The following CDC14B variants were observed in gnomAD, a reference collection of about 807,000 sequenced individuals.
CDC14B encodes dual specificity protein phosphatase CDC14B.
In CDC14B, 22 loss-of-function variants were observed where a neutral mutation model predicts 64.2. The ratio of observed to expected loss-of-function variants is 0.34; its 90% CI spans 0.24 to 0.49. The LOEUF (loss-of-function observed/expected upper bound fraction) is 0.49, where lower values mean the gene tolerates loss of function less well. CDC14B is among the 20% of genes least tolerant of loss of function. The pLI is 0.99. For synonymous variants in CDC14B, 191 were observed against 215.8 expected, an observed-to-expected ratio of 0.89 and a Z score of 1.01; for missense variants, 498 against 629.9, an observed-to-expected ratio of 0.79 and a Z score of 2.24.
intron 1 of CDC14B, among the ~76,000 whole-genome samples, chr9:96,601,253 C>T (rs1325008121): frequency 6.6e-6 from 1 of 152,130 alleles, no homozygotes; most frequent in Admixed American, 6.6e-5. Context: ...AATCCCAGCA[C>T]TTTGTGAGGC....
At chr9:96,592,296 T>G (rs796217057) in intron 1 of CDC14B, among the ~76,000 whole-genome samples, 9 of 152,244 alleles carry the variant, frequency 5.9e-5, no homozygotes, top group African/African-American at 2.2e-4. Context: ...CAGGCTGGTC[T>G]TGAATTCCCG....
intron 12 of CDC14B, among the ~76,000 whole-genome samples, chr9:96,521,211 AT>A (rs1363591511): frequency 6.6e-6 from 1 of 151,958 alleles, no homozygotes; most frequent in Admixed American, 6.6e-5. Context: ...CTGGGATCCT[AT>A]AATGCCTACA....
chr9:96,562,272 T>C (rs1221824617), intron 4 of CDC14B, among the ~76,000 whole-genome samples: 4 of 152,128 alleles, frequency 2.6e-5, no homozygotes, highest in African/African-American at 9.7e-5. Context: ...GAAAGCACTT[T>C]TTAAAAAAAT....
rs553826577 is a variant in CDC14B at position 96,542,957 on chromosome 9, G to A, written c.498-1065C>T. 9.9e-5 allele frequency among the ~76,000 whole-genome samples: 15 copies of A among 152,116 alleles called. No individual in the cohort carries two copies. The South Asian group carries it at 2.1e-3, about 21-fold the overall frequency. On this transcript the variant is annotated intron_variant, in intron 5 of 13. Transcript: ENST00000375241. ...AGAGAGATGGAGGTTGCAGTGAGCC[G>A]AGATCATGCCACTGCACTCCAGCCT... is the stretch of plus-strand genomic sequence containing the variant.
chr9:96,593,080 A>T (rs1007984569), intron 1 of CDC14B, among the ~76,000 whole-genome samples: 4 of 152,196 alleles, frequency 2.6e-5, no homozygotes, highest in Non-Finnish European at 5.9e-5. Context: ...AGAATTTAAA[A>T]ACCCCATTTG....
Position 96,564,826 on chromosome 9 carries a change from TTGAG to T in CDC14B, c.274_277del (p.Leu92IlefsTer16), listed in dbSNP as rs1443188011. Reference sequence around the variant, plus strand: ...ACAATATCTGTAAACCATTGCCAGATTGAGTGGTCCAAAATCTGCGTAGAAGCTT... The same window carrying T: ...ACAATATCTGTAAACCATTGCCAGATTGGTCCAAAATCTGCGTAGAAGCTT... On this transcript the variant is annotated frameshift_variant, in exon 3 of 14. Transcript: ENST00000375241. LOFTEE classifies it high-confidence loss of function. The T allele has an allele frequency of 6.2e-7, 1 of 1,605,182 alleles. No individual in the cohort carries two copies. The highest frequency in any genetic ancestry group is 8.5e-7 in the Non-Finnish European group (1 of 1,175,502).
exon 14 of CDC14B, chr9:96,492,252 A>G (rs1333553796): frequency 6.6e-6 from 1 of 152,368 alleles, no homozygotes; most frequent in African/African-American, 2.4e-5. Flanking sequence ...AGCTGGTTAT[A>G]GCCAAGCCCA....
At position 96,503,720 on chromosome 9, in the gene CDC14B, A is replaced by C. The variant is rs370655432; in HGVS notation, c.*33T>G. ...TTTCTGTTGCAGTTTTCAGTCCTAG[A>C]GTCTTCCTTCAGCTCTGGTCACAGG... On this transcript the variant is annotated 3_prime_UTR_variant, in exon 14 of 14. Transcript: ENST00000375241. 3 of 1,599,850 alleles carry C rather than the reference A, an allele frequency of 1.9e-6. No individual in the cohort carries two copies. The African/African-American group carries it at 4.0e-5, about 21-fold the overall frequency.
At chr9:96,556,728 A>G (rs548772330) in intron 4 of CDC14B, among the ~76,000 whole-genome samples, 1 of 152,292 alleles carries the variant, frequency 6.6e-6, no homozygotes, top group African/African-American at 2.4e-5. Context: ...TTTGAGTGGT[A>G]GGGACATTTT....
rs1349257586 is a variant in CDC14B, at chr9:96,601,921, T to C, written c.160+17298A>G. 2.7e-5 allele frequency among the ~76,000 whole-genome samples: 4 copies of C among 150,266 alleles called. No individual in the cohort carries two copies. In the East Asian group the frequency reaches 7.8e-4, roughly 29 times the overall value. On this transcript the variant is annotated intron_variant, in intron 1 of 13. Coordinates refer to ENST00000375241, the MANE Select transcript of CDC14B (RefSeq NM_033331.4). ...AAAAATACAAAAAATTAGCTGGGCA[T>C]GGTGGTGGGTGCCTGTAACCCCAGC... is the stretch of plus-strand genomic sequence containing the variant.
intron 7 of CDC14B, among the ~76,000 whole-genome samples, chr9:96,536,051 A>G (rs1406330263): frequency 1.3e-5 from 2 of 152,258 alleles, no homozygotes; most frequent in African/African-American, 4.8e-5. Flanking sequence ...ATTTCACTGA[A>G]TTGCTGATGC....
chr9:96,589,355 C>T (rs1344026177), intron 1 of CDC14B, among the ~76,000 whole-genome samples: 1 of 150,960 alleles, frequency 6.6e-6, no homozygotes, highest in Non-Finnish European at 1.5e-5. Flanking sequence ...AAAAAAAATA[C>T]ACCTAGTAAG....
At chr9:96,592,985 T>C (rs189928773) in intron 1 of CDC14B, among the ~76,000 whole-genome samples, 2 of 152,210 alleles carry the variant, frequency 1.3e-5, no homozygotes, top group Admixed American at 1.3e-4. Context: ...TTCTAAACAT[T>C]GAGGAGTCAA....
At chr9:96,541,382 T>C (rs888277994) in intron 6 of CDC14B, among the ~76,000 whole-genome samples, 1 of 152,222 alleles carries the variant, frequency 6.6e-6, no homozygotes, top group African/African-American at 2.4e-5. Flanking sequence ...GAACTAGAAA[T>C]TGAACGCCTG....
At chr9:96,560,944 T>A (rs1303319551) in intron 4 of CDC14B, among the ~76,000 whole-genome samples, 1 of 152,020 alleles carries the variant, frequency 6.6e-6, no homozygotes, top group African/African-American at 2.4e-5. Flanking sequence ...AAACTTTTTT[T>A]TTCTTTTGGA....
chr9:96,499,034 A>AC (rs1183219861), downstream of CDC14B, among the ~76,000 whole-genome samples: 28 of 152,250 alleles, frequency 1.8e-4, no homozygotes, highest in African/African-American at 6.5e-4. Context: ...CCTTTGCAGC[A>AC]CTCAGGGACT....
chr9:96,561,186 C>T (rs1843128004), intron 4 of CDC14B, among the ~76,000 whole-genome samples: 1 of 152,200 alleles, frequency 6.6e-6, no homozygotes. Context: ...ATCTGCCTGC[C>T]TCGGCCTCCC....
At chr9:96,520,721 C>T (rs1836563511) in intron 12 of CDC14B, among the ~76,000 whole-genome samples, 1 of 151,976 alleles carries the variant, frequency 6.6e-6, no homozygotes, top group Non-Finnish European at 1.5e-5. Context: ...TAAAATCAAC[C>T]CACAAAAGCA....
At chr9:96,551,240 C>T (rs966044408) in intron 5 of CDC14B, among the ~76,000 whole-genome samples, 1 of 151,572 alleles carries the variant, frequency 6.6e-6, no homozygotes, top group African/African-American at 2.4e-5. Context: ...CCTCAGTCTC[C>T]CAAGTAGCTG....
Sources: gnomAD v4.1 joint callset for allele counts (sites outside exome capture counted in the v4.1 genomes callset) on GRCh38, gnomAD v4.1.1 for gene constraint, MANE v1.5 for transcripts, NCBI Gene and HGNC (gene_info 2026-07-23, HGNC 2026-07-21) for gene names.